OSR2: variants seen among roughly 807,000 people sequenced by gnomAD.
OSR2 encodes the protein protein odd-skipped-related 2.
Under a neutral mutation model 22.3 loss-of-function variants are expected in OSR2, and 8 were observed. The ratio of observed to expected loss-of-function variants is 0.36; its 90% CI spans 0.21 to 0.65. OSR2 has a LOEUF of 0.65. Among genes scored for constraint, OSR2 ranks in the 30% least tolerant of loss-of-function variants. The pLI, the probability that OSR2 is intolerant of heterozygous loss-of-function variation, is 0.66. For synonymous variants in OSR2, 179 were observed against 173.8 expected, an observed-to-expected ratio of 1.03 and a Z score of -0.23; for missense variants, 311 against 413.4, an observed-to-expected ratio of 0.75 and a Z score of 2.15.
In OSR2 at chr8:98,949,547, C is replaced by G; in HGVS notation, c.595C>G (p.Pro199Ala). Residue 199 changes from proline (P) to alanine (A), a missense_variant, in exon 2 of 4, where the codon CCG becomes GCG. Around this residue, in one of 5 missense-constraint regions of OSR2, gnomAD observed 39 missense variants for 90.5 expected, o/e 0.43. Transcript: ENST00000297565. This position sits in a 1 kb window ranked among gnomAD's most constrained non-coding sequence, Gnocchi z 5.9. ...TGAGAGGACCCACACGGACGAGAGG[C>G]CGTACACGTGTGACATCTGCCACAA... ...IHERTHTDERPYTCDICHKAF... is the reference protein window; with the variant it reads ...IHERTHTDERAYTCDICHKAF... 6.2e-7 allele frequency: 1 copy of G among 1,614,140 alleles called. No homozygotes were observed. The highest frequency in any genetic ancestry group is 8.5e-7 in the Non-Finnish European group (1 of 1,179,980).
rs200074208 is a variant in OSR2, at chr8:98,949,225, C to T, written c.273C>T (p.Thr91=). 2.9e-5 allele frequency: 47 copies of T among 1,594,186 alleles called. No homozygotes were observed. The South Asian group carries it at 4.9e-4, about 17-fold the overall frequency. The change falls in exon 2 of 4, where the codon ACC becomes ACT. Residue 91 remains threonine (T), a synonymous_variant. Coordinates refer to ENST00000297565, the MANE Select transcript of OSR2 (RefSeq NM_001142462.3). This position sits in a 1 kb window ranked among gnomAD's most constrained non-coding sequence, Gnocchi z 5.9. ...TCCCCTTCCCGGCCCTGCCTTTTAC[C>T]ACCCACCTATTCCACCCCAAGCAGG... ...ARFPFPALPF[T]THLFHPKQGA...
At position 98,951,441 on chromosome 8, in the gene OSR2, C is replaced by A. The variant is rs145208284; in HGVS notation, c.757-78C>A. The A allele has an allele frequency of 1.0e-4, 138 of 1,361,234 alleles. No individual in the cohort carries two copies. In the East Asian group the frequency reaches 3.4e-3, roughly 34 times the overall value. The allele number at this position is 1,361,234 out of a possible 1,614,324, so 84.3% of individuals were successfully genotyped here. A position where few individuals can be genotyped will look rare whatever the true frequency, so the allele number is the denominator to read the frequency against. ...AGTGTTATGTTAACGCTTGTGATAA[C>A]GATAAGACAGAAACTATTGAAAAGG... On this transcript the variant is annotated intron_variant, in intron 3 of 3. Transcript: ENST00000297565.
Position 98,951,674 on chromosome 8 carries a change from G to C in OSR2, c.912G>C (p.Leu304=), listed in dbSNP as rs748383514. The C allele has an allele frequency of 6.2e-7, 1 of 1,613,650 alleles. No individual in the cohort carries two copies. Among genetic ancestry groups the C allele is most frequent in the South Asian group, 1.1e-5 (1 of 90,952 alleles). Residue 304 remains leucine (L), a synonymous_variant, in exon 4 of 4, where the codon CTG becomes CTC. Coordinates refer to ENST00000297565, the MANE Select transcript of OSR2 (RefSeq NM_001142462.3). The stretch of plus-strand genomic sequence containing the variant: ...ACTGTGATCTGCGGCGGCACAGCCT[G>C]ACTCACACCCCGCGGCAGGACTTCT... ...RRNCDLRRHS[L]THTPRQDF
In OSR2 at chr8:98,946,752, C is replaced by G. The variant is rs147507479; in HGVS notation, c.-115+1929C>G. On this transcript the variant is annotated intron_variant, in intron 1 of 3. Coordinates refer to ENST00000297565, the MANE Select transcript of OSR2 (RefSeq NM_001142462.3). ...AGTACTTTAGCCAACACCACTCCCCCACATGCCCGCTCCCCCCTCCCCAAC... is the reference window on the plus strand; with the variant it reads ...AGTACTTTAGCCAACACCACTCCCCGACATGCCCGCTCCCCCCTCCCCAAC... 4.0e-4 allele frequency among the ~76,000 whole-genome samples: 61 copies of G among 152,250 alleles called. 1 individual carries two copies. Among genetic ancestry groups the G allele is most frequent in the Middle Eastern group, 3.4e-3 (1 of 294 alleles).
At chr8:98,951,227 TC>T (rs1840772288) in intron 3 of OSR2, among the ~76,000 whole-genome samples, 1 of 152,178 alleles carries the variant, frequency 6.6e-6, no homozygotes, top group African/African-American at 2.4e-5. Flanking sequence ...TTCCCCCTTT[TC>T]CTGCCTATGA....
Position 98,944,614 on chromosome 8 carries a change from A to T in OSR2, c.-324A>T, listed in dbSNP as rs1450109574. 1 of 152,258 alleles carries T rather than the reference A, an allele frequency of 6.6e-6. No homozygotes were observed. Among genetic ancestry groups the T allele is most frequent in the Non-Finnish European group, 1.5e-5 (1 of 68,056 alleles). 9.4% of individuals were successfully genotyped at this position (152,258 alleles called of 1,614,324 possible). A position where few individuals can be genotyped will look rare whatever the true frequency, so the allele number is the denominator to read the frequency against. On this transcript the variant is annotated 5_prime_UTR_variant, in exon 1 of 4. Coordinates refer to ENST00000297565, the MANE Select transcript of OSR2 (RefSeq NM_001142462.3). The stretch of plus-strand genomic sequence containing the variant: ...CCGGCCCCAAGCACCCCGGGTCTTT[A>T]CACAGTCCGCGTCCACAGACTCTGA...
rs1840690288 is a variant in OSR2, at chr8:98,948,789, A to G, written c.-114-50A>G. 1.8e-5 allele frequency: 27 copies of G among 1,480,476 alleles called. No homozygotes were observed. The highest frequency in any genetic ancestry group is 2.4e-5 in the Non-Finnish European group (27 of 1,114,992). 91.7% of individuals were successfully genotyped at this position (1,480,476 alleles called of 1,614,324 possible). A position where few individuals can be genotyped will look rare whatever the true frequency, so the allele number is the denominator to read the frequency against. On this transcript the variant is annotated intron_variant, in intron 1 of 3. Coordinates refer to ENST00000297565, the MANE Select transcript of OSR2 (RefSeq NM_001142462.3). This position sits in a 1 kb window ranked among gnomAD's most constrained non-coding sequence, Gnocchi z 6.0. ...GCAGGTGCCAAAGGGCAGAAGGAGC[A>G]GCCTTGGATTATAGTCACGGTCTCT... is the stretch of plus-strand genomic sequence containing the variant.
Position 98,949,676 on chromosome 8 carries a change from T to C in OSR2, c.656+68T>C, listed in dbSNP as rs1840726799. The C allele has an allele frequency of 1.3e-6, 2 of 1,513,884 alleles. No individual in the cohort carries two copies. Among genetic ancestry groups the C allele is most frequent in the East Asian group, 2.3e-5 (1 of 44,074 alleles). The allele number at this position is 1,513,884 out of a possible 1,614,324, so 93.8% of individuals were successfully genotyped here. On this transcript the variant is annotated intron_variant, in intron 2 of 3. Coordinates refer to ENST00000297565, the MANE Select transcript of OSR2 (RefSeq NM_001142462.3). This position sits in a 1 kb window ranked among gnomAD's most constrained non-coding sequence, Gnocchi z 5.9. ...TTGTCCTGGACACACCGAGTCCTGA[T>C]AGACATTCCCAGTGTCATTATAATC...
Position 98,948,149 on chromosome 8 carries a change from C to G in OSR2, c.-114-690C>G. Reference sequence around the variant, plus strand: ...AGCCCCTGAGGTGTCACTTTTCTTTCCTGCGGCCCGTCACCGCTGATAGAT... The same window carrying G: ...AGCCCCTGAGGTGTCACTTTTCTTTGCTGCGGCCCGTCACCGCTGATAGAT... On this transcript the variant is annotated intron_variant, in intron 1 of 3. Coordinates refer to ENST00000297565, the MANE Select transcript of OSR2 (RefSeq NM_001142462.3). This position sits in a 1 kb window ranked among gnomAD's most constrained non-coding sequence, Gnocchi z 6.0. 1 of 1,382,982 alleles carries G rather than the reference C, an allele frequency of 7.2e-7. No individual in the cohort carries two copies. Among genetic ancestry groups the G allele is most frequent in the Non-Finnish European group, 9.3e-7 (1 of 1,071,998 alleles). The allele number at this position is 1,382,982 out of a possible 1,614,324, so 85.7% of individuals were successfully genotyped here.
At position 98,949,745 on chromosome 8, in the gene OSR2, G is replaced by A; in HGVS notation, c.656+137G>A. 1 of 1,070,292 alleles carries A rather than the reference G, an allele frequency of 9.3e-7. No individual in the cohort carries two copies. Among genetic ancestry groups the A allele is most frequent in the East Asian group, 2.6e-5 (1 of 38,392 alleles). The allele number at this position is 1,070,292 out of a possible 1,614,324, so 66.3% of individuals were successfully genotyped here. The stretch of plus-strand genomic sequence containing the variant: ...ACCCTCAGTCACGCTCCTCAGCCCG[G>A]TTCAGCTAATTCCCAACATCTACCC... On this transcript the variant is annotated intron_variant, in intron 2 of 3. Coordinates refer to ENST00000297565, the MANE Select transcript of OSR2 (RefSeq NM_001142462.3). This position sits in a 1 kb window ranked among gnomAD's most constrained non-coding sequence, Gnocchi z 5.9.
Position 98,949,104 on chromosome 8 carries a change from T to G in OSR2, c.152T>G (p.Met51Arg). 6.2e-7 allele frequency: 1 copy of G among 1,613,934 alleles called. No homozygotes were observed. The highest frequency in any genetic ancestry group is 1.1e-5 in the South Asian group (1 of 91,084). Residue 51 changes from methionine (M) to arginine (R), a missense_variant, in exon 2 of 4, where the codon ATG (methionine) becomes AGG (arginine). Transcript: ENST00000297565. The surrounding 1 kb of genome is among the most constrained non-coding windows in gnomAD (Gnocchi z 5.9). ...YGLSAVQTMH[M>R]NHWTLGYPNV... ...CTCAGCGCGGTACAGACCATGCACA[T>G]GAACCACTGGACGCTGGGGTATCCC... is the stretch of plus-strand genomic sequence containing the variant.
At position 98,948,244 on chromosome 8, in the gene OSR2, G is replaced by A; in HGVS notation, c.-114-595G>A. Reference sequence around the variant, plus strand: ...TGCGGGGCGAGGTGAGCCCCTCCCAGGGCCCTCTGGCCCAGGAGGATGAAG... The same window carrying A: ...TGCGGGGCGAGGTGAGCCCCTCCCAAGGCCCTCTGGCCCAGGAGGATGAAG... On this transcript the variant is annotated intron_variant, in intron 1 of 3. Transcript: ENST00000297565. This position sits in a 1 kb window ranked among gnomAD's most constrained non-coding sequence, Gnocchi z 6.0. The A allele has an allele frequency of 1.3e-6, 2 of 1,491,278 alleles. No homozygotes were observed. Among genetic ancestry groups the A allele is most frequent in the South Asian group, 1.3e-5 (1 of 79,674 alleles). 92.4% of individuals were successfully genotyped at this position (1,491,278 alleles called of 1,614,324 possible). A position where few individuals can be genotyped will look rare whatever the true frequency, so the allele number is the denominator to read the frequency against.
At chr8:98,951,494 C>G in intron 3 of OSR2, 25 bp from the exon 4 acceptor site, 2 of 1,555,666 alleles carry the variant, frequency 1.3e-6, no homozygotes, top group Non-Finnish European at 1.7e-6. Context: ...AGGATTAATC[C>G]TTTGCTTGCT....
In OSR2 at chr8:98,951,742, C is replaced by A. The variant is rs1462387355; in HGVS notation, c.*41C>A. On this transcript the variant is annotated 3_prime_UTR_variant, in exon 4 of 4. Coordinates refer to ENST00000297565, the MANE Select transcript of OSR2 (RefSeq NM_001142462.3). ...GTCCCGTGCCGCCGCTGCTCCCCTC[C>A]CCAGACACCTCTCCACGTCTCCTAC... The A allele has an allele frequency of 1.3e-6, 2 of 1,571,388 alleles. No homozygotes were observed. Among genetic ancestry groups the A allele is most frequent in the African/African-American group, 2.7e-5 (2 of 73,872 alleles).
rs539361163 is a variant in OSR2 at position 98,948,746 on chromosome 8, T to G, written c.-114-93T>G. Reference sequence around the variant, plus strand: ...CTTGGAGTCGGGTGGGGAGGGAGACTTAGGTGTGGTAACCTGCGCAGGTGC... The same window carrying G: ...CTTGGAGTCGGGTGGGGAGGGAGACGTAGGTGTGGTAACCTGCGCAGGTGC... On this transcript the variant is annotated intron_variant, in intron 1 of 3. Coordinates refer to ENST00000297565, the MANE Select transcript of OSR2 (RefSeq NM_001142462.3). The surrounding 1 kb of genome is among the most constrained non-coding windows in gnomAD (Gnocchi z 6.0). The G allele has an allele frequency of 2.2e-6, 3 of 1,385,644 alleles. No individual in the cohort carries two copies. Among genetic ancestry groups the G allele is most frequent in the Non-Finnish European group, 1.9e-6 (2 of 1,046,186 alleles). The allele number at this position is 1,385,644 out of a possible 1,614,324, so 85.8% of individuals were successfully genotyped here.
chr8:98,947,419 G>A (rs934646186), intron 1 of OSR2, among the ~76,000 whole-genome samples: 1 of 152,028 alleles, frequency 6.6e-6, no homozygotes, highest in Admixed American at 6.5e-5. Flanking sequence ...GGGTGGGAAG[G>A]GAAGGCTGGA....
chr8:98,948,682 C>A lies in OSR2; in HGVS notation c.-114-157C>A. The A allele has an allele frequency of 9.6e-7, 1 of 1,046,378 alleles. No homozygotes were observed. Among genetic ancestry groups the A allele is most frequent in the Non-Finnish European group, 1.3e-6 (1 of 745,436 alleles). 64.8% of individuals were successfully genotyped at this position (1,046,378 alleles called of 1,614,324 possible). A position where few individuals can be genotyped will look rare whatever the true frequency, so the allele number is the denominator to read the frequency against. ...ATCTGCACGCGGACTTGAGCAGGTG[C>A]CAAGGTGCCACGCAGTCCCCTCACG... On this transcript the variant is annotated intron_variant, in intron 1 of 3. Transcript: ENST00000297565. This position sits in a 1 kb window ranked among gnomAD's most constrained non-coding sequence, Gnocchi z 6.0.
Position 98,951,724 on chromosome 8 carries a change from GC to G in OSR2, c.*25del. The stretch of plus-strand genomic sequence containing the variant: ...TAGAGAAGCCCAGGATCTGTCCCGT[GC>G]CGCCGCTGCTCCCCTCCCCAGACAC... On this transcript the variant is annotated 3_prime_UTR_variant, in exon 4 of 4. Transcript: ENST00000297565. 1 of 1,592,584 alleles carries G rather than the reference GC, an allele frequency of 6.3e-7. No individual in the cohort carries two copies. Among genetic ancestry groups the G allele is most frequent in the Non-Finnish European group, 8.5e-7 (1 of 1,170,324 alleles).
rs769169543 is a variant in OSR2, at chr8:98,949,455, C to G, written c.503C>G (p.Thr168Arg). The G allele has an allele frequency of 1.1e-4, 179 of 1,613,696 alleles. No homozygotes were observed. Among genetic ancestry groups the G allele is most frequent in the Non-Finnish European group, 1.5e-4 (175 of 1,179,834 alleles). ...KPSRGRLPSK[T>R]KKEFICKFCG... is the part of the protein sequence containing the mutation. Reference sequence around the variant, plus strand: ...TCTCGAGGAAGGTTGCCCTCCAAAACGAAAAAAGAGTTTATCTGCAAGTTT... The same window carrying G: ...TCTCGAGGAAGGTTGCCCTCCAAAAGGAAAAAAGAGTTTATCTGCAAGTTT... The change falls in exon 2 of 4, where the codon ACG becomes AGG. Residue 168 changes from threonine to arginine, a missense_variant. Around this residue, in one of 5 missense-constraint regions of OSR2, gnomAD observed 53 missense variants for 59.5 expected, o/e 0.89. Transcript: ENST00000297565. The surrounding 1 kb of genome is among the most constrained non-coding windows in gnomAD (Gnocchi z 5.9).
Sources: gnomAD v4.1 joint callset for allele counts (sites outside exome capture counted in the v4.1 genomes callset) on GRCh38, gnomAD v4.1.1 for gene constraint, gnomAD v4.1.1 regional missense constraint, Gnocchi (gnomAD v3.1) non-coding constraint, MANE v1.5 for transcripts, NCBI Gene and HGNC (gene_info 2026-07-23, HGNC 2026-07-21) for gene names.